Variants in RC3H1 observed in about 807,000 individuals in gnomAD.
RC3H1 encodes ring finger and CCCH-type domains 1.
RC3H1 carries 50 observed loss-of-function variants against 138.2 expected under a neutral mutation model. The ratio of observed to expected loss-of-function variants is 0.36; its 90% CI spans 0.29 to 0.46. The LOEUF (loss-of-function observed/expected upper bound fraction) is 0.46. Ranked by LOEUF, RC3H1 falls within the 20% of genes least tolerant of loss-of-function variation. The pLI, the probability that RC3H1 is intolerant of heterozygous loss-of-function variation, is 1.00. For synonymous variants in RC3H1, 462 were observed against 489.1 expected (o/e 0.94, Z 0.73); for missense variants, 1,031 against 1,388.1 (o/e 0.74, Z 4.09).
chr1:173,949,135 G>C (rs1398626067), intron 14 of RC3H1, among the ~76,000 whole-genome samples: 1 of 100,634 alleles, frequency 9.9e-6, no homozygotes, highest in Non-Finnish European at 1.9e-5. Flanking sequence ...TTTTTGGGGG[G>C]GGGGGTGGGG....
intron 17 of RC3H1, among the ~76,000 whole-genome samples, chr1:173,945,569 C>A (rs781131506): frequency 2.6e-5 from 4 of 152,160 alleles, no homozygotes; most frequent in Non-Finnish European, 2.9e-5. Flanking sequence ...GAGGACAATA[C>A]CACCTGCCTA....
At position 173,943,539 on chromosome 1, in the gene RC3H1, G is replaced by C. The variant is rs1264483430; in HGVS notation, c.3038C>G (p.Pro1013Arg). 3 of 1,614,188 alleles carry C rather than the reference G, an allele frequency of 1.9e-6. No homozygotes were observed. The Admixed American group carries it at 5.0e-5, about 27-fold the overall frequency. The part of the protein sequence containing the change: ...AGQSQPPPPP[P>R]PKWPGMISSE... ...TGAGATCATCCCAGGCCATTTTGGAGGTGGCGGTGGTGGGGGCTGTGACTG... is the reference window on the plus strand; with the variant it reads ...TGAGATCATCCCAGGCCATTTTGGACGTGGCGGTGGTGGGGGCTGTGACTG... The change falls in exon 18 of 20, where the codon CCT becomes CGT. Residue 1013 changes from proline to arginine, a missense_variant. This residue lies in a region of RC3H1 where 716 missense variants were observed against 837.9 expected (regional missense o/e 0.85). Coordinates refer to ENST00000367696, the MANE Select transcript of RC3H1 (RefSeq NM_172071.4).
intron 19 of RC3H1, among the ~76,000 whole-genome samples, chr1:173,939,528 C>CAAAAA (rs61301994): frequency 2.8e-5 from 1 of 35,936 alleles, no homozygotes; most frequent in Non-Finnish European, 5.0e-5. Flanking sequence ...GAGATTTTAT[C>CAAAAA]AAAAAAAAAA....
At chr1:174,021,257 T>C (rs1388209299) in intron 1 of RC3H1, among the ~76,000 whole-genome samples, 1 of 152,204 alleles carries the variant, frequency 6.6e-6, no homozygotes, top group Admixed American at 6.5e-5. Context: ...TTACAGTTTG[T>C]CTCCGCGTTG....
At chr1:174,003,202 C>A (rs573984471) in intron 1 of RC3H1, among the ~76,000 whole-genome samples, 1 of 152,030 alleles carries the variant, frequency 6.6e-6, no homozygotes, top group Non-Finnish European at 1.5e-5. Context: ...GCCTGGCCAA[C>A]GTGGTGAAAC....
intron 14 of RC3H1, among the ~76,000 whole-genome samples, chr1:173,951,635 G>A (rs746485597): frequency 4.6e-5 from 7 of 152,004 alleles, no homozygotes; most frequent in African/African-American, 1.4e-4. Flanking sequence ...CTGGCCTCCC[G>A]GGTTCATGCC....
chr1:174,008,069 T>C (rs1394844160), intron 1 of RC3H1, among the ~76,000 whole-genome samples: 1 of 152,216 alleles, frequency 6.6e-6, no homozygotes, highest in East Asian at 1.9e-4. Flanking sequence ...TTTTTCCCTA[T>C]GATCCTGTGC....
chr1:173,952,550 G>A (rs1038349566), intron 13 of RC3H1, among the ~76,000 whole-genome samples: 19 of 151,600 alleles, frequency 1.3e-4, no homozygotes, highest in African/African-American at 4.4e-4. Flanking sequence ...CCTCCTCAAC[G>A]TTTCTTTCAA....
intron 1 of RC3H1, among the ~76,000 whole-genome samples, chr1:174,019,357 GAC>G (rs1661917452): frequency 6.6e-6 from 1 of 152,164 alleles, no homozygotes; most frequent in African/African-American, 2.4e-5. Context: ...GTTTAACTGT[GAC>G]ACATGTGGTA....
chr1:173,978,063 A>G (rs1312279802), intron 7 of RC3H1, among the ~76,000 whole-genome samples: 1 of 152,178 alleles, frequency 6.6e-6, no homozygotes, highest in African/African-American at 2.4e-5. Context: ...GCCTAAGTAA[A>G]GATATACAAG....
rs3220994 is a variant in RC3H1 at position 174,003,385 on chromosome 1, TCACACACA to T, written c.-150-10258_-150-10251del. On this transcript the variant is annotated intron_variant, in intron 1 of 19. Transcript: ENST00000367696. ...CTGGGCAACAAGAGCAAGACTCCTATCACACACACACACACACACACACACACACACAC... is the reference window on the plus strand; with the variant it reads ...CTGGGCAACAAGAGCAAGACTCCTATCACACACACACACACACACACACAC... Among the ~76,000 whole-genome samples, 209 of 143,324 alleles carry T rather than the reference TCACACACA, an allele frequency of 1.5e-3. 1 individual carries two copies. The highest frequency in any genetic ancestry group is 5.1e-3 in the African/African-American group (199 of 39,208). 94.0% of individuals were successfully genotyped at this position (143,324 alleles called of 152,430 possible). A position where few individuals can be genotyped will look rare whatever the true frequency, so the allele number is the denominator to read the frequency against.
chr1:174,006,552 A>C (rs952762917), intron 1 of RC3H1, among the ~76,000 whole-genome samples: 1 of 152,180 alleles, frequency 6.6e-6, no homozygotes, highest in African/African-American at 2.4e-5. Context: ...TTCCACTATA[A>C]CACCATGCCT....
chr1:173,939,486 G>A (rs900485702), intron 19 of RC3H1, among the ~76,000 whole-genome samples: 6 of 128,622 alleles, frequency 4.7e-5, no homozygotes, highest in Admixed American at 2.9e-4. Flanking sequence ...AGCCAAGATC[G>A]CACCACTACA....
At chr1:173,939,529 A>C (rs1247184144) in intron 19 of RC3H1, among the ~76,000 whole-genome samples, 12 of 43,738 alleles carry the variant, frequency 2.7e-4, no homozygotes, top group Non-Finnish European at 4.2e-4. Flanking sequence ...AGATTTTATC[A>C]AAAAAAAAAA....
At position 173,941,273 on chromosome 1, in the gene RC3H1, C is replaced by A; in HGVS notation, c.3243G>T (p.Leu1081Phe). ...QNKVPAEDLT[L>F]TFSDVPNGSA... ...AATCTCCTTTTCTTTACCTGAATGT[C>A]AATGTAAGGTCCTCAGCCGGAACCT... is the stretch of plus-strand genomic sequence containing the variant. The change falls in exon 19 of 20, where the codon TTG becomes TTT. Residue 1081 changes from leucine to phenylalanine, a missense_variant. By Grantham distance (22) the Leu-to-Phe change is conservative. Around this residue, in one of 7 missense-constraint regions of RC3H1, gnomAD observed 716 missense variants for 837.9 expected, o/e 0.85. Transcript: ENST00000367696. 1 of 1,604,510 alleles carries A rather than the reference C, an allele frequency of 6.2e-7. No individual in the cohort carries two copies. The highest frequency in any genetic ancestry group is 1.1e-5 in the South Asian group (1 of 90,702).
intron 1 of RC3H1, among the ~76,000 whole-genome samples, chr1:174,005,151 A>C (rs1436232698): frequency 6.6e-6 from 1 of 152,186 alleles, no homozygotes; most frequent in Admixed American, 6.5e-5. Flanking sequence ...CTAGGTCTCA[A>C]GAGACTTTGC....
intron 10 of RC3H1, among the ~76,000 whole-genome samples, chr1:173,964,612 C>T (rs920859527): frequency 1.3e-5 from 2 of 151,008 alleles, no homozygotes; most frequent in African/African-American, 4.9e-5. Context: ...AGTGACCCGT[C>T]CACCTCAGCC....
At position 173,961,943 on chromosome 1, in the gene RC3H1, A is replaced by G. The variant is rs757993690; in HGVS notation, c.1984T>C (p.Tyr662His). 6.2e-7 allele frequency: 1 copy of G among 1,614,102 alleles called. No homozygotes were observed. The highest frequency in any genetic ancestry group is 8.5e-7 in the Non-Finnish European group (1 of 1,179,996). The change falls in exon 12 of 20, where the codon TAC becomes CAC. Residue 662 changes from tyrosine to histidine, a missense_variant. Physicochemically the swap from Tyr to His is moderately conservative, Grantham distance 83 (BLOSUM62 2). Around this residue, in one of 7 missense-constraint regions of RC3H1, gnomAD observed 716 missense variants for 837.9 expected, o/e 0.85. Transcript: ENST00000367696. Reference sequence around the variant, plus strand: ...TAGTGAGATGGGTATATAGGTGGGTACTGCTGTGGCTGTGTGCCATACTGA... The same window carrying G: ...TAGTGAGATGGGTATATAGGTGGGTGCTGCTGTGGCTGTGTGCCATACTGA... ...NSQYGTQPQQ[Y>H]PPIYPSHYDG... is the part of the protein sequence containing the mutation.
At chr1:174,005,066 CCTTCAA>C (rs1661630938) in intron 1 of RC3H1, among the ~76,000 whole-genome samples, 1 of 152,152 alleles carries the variant, frequency 6.6e-6, no homozygotes, top group Non-Finnish European at 1.5e-5. Flanking sequence ...TTTCCCCCAT[CCTTCAA>C]CCTGGGTGGC....
Sources: gnomAD v4.1 joint callset for allele counts (sites outside exome capture counted in the v4.1 genomes callset) on GRCh38, gnomAD v4.1.1 for gene constraint, gnomAD v4.1.1 regional missense constraint, MANE v1.5 for transcripts, NCBI Gene and HGNC (gene_info 2026-07-23, HGNC 2026-07-21) for gene names.